The following FAM193A variants were observed in gnomAD, a reference collection of about 807,000 sequenced individuals.
The protein encoded by FAM193A is protein FAM193A.
A neutral mutation model predicts 126.5 loss-of-function variants in FAM193A; 22 were observed. The observed-to-expected ratio is 0.17, with a 90% CI of 0.12 to 0.25. The LOEUF is 0.25. Among genes scored for constraint, FAM193A ranks in the 10% least tolerant of loss-of-function variants. The probability of loss-of-function intolerance (pLI) is 1.00; values close to 1 mark genes in which losing one functional copy is unlikely to be tolerated. For synonymous variants in FAM193A, 761 were observed against 646.8 expected, an observed-to-expected ratio of 1.18 and a Z score of -2.68; for missense variants, 1,675 against 1,672.8, an observed-to-expected ratio of 1.00 and a Z score of -0.02.
chr4:2,638,488 G>T (rs1365353851), intron 5 of FAM193A, among the ~76,000 whole-genome samples: 1 of 152,200 alleles, frequency 6.6e-6, no homozygotes, highest in African/African-American at 2.4e-5. Flanking sequence ...GAGTGATGAT[G>T]TTTCAATCTG....
chr4:2,616,997 C>T (rs1424370992), intron 2 of FAM193A, among the ~76,000 whole-genome samples: 1 of 145,884 alleles, frequency 6.9e-6, no homozygotes, highest in Non-Finnish European at 1.5e-5. Flanking sequence ...GAAGAAACCC[C>T]GTCTCTACTA....
chr4:2,600,989 A>C (rs1741162671), intron 2 of FAM193A, among the ~76,000 whole-genome samples: 1 of 152,214 alleles, frequency 6.6e-6, no homozygotes, highest in South Asian at 2.1e-4. Context: ...CCAGCGTGGC[A>C]CATGCCTGTA....
chr4:2,648,371 C>T (rs914203162), intron 7 of FAM193A, among the ~76,000 whole-genome samples: 53 of 152,234 alleles, frequency 3.5e-4, no homozygotes, highest in African/African-American at 1.2e-3. Flanking sequence ...CCTCAGAGAT[C>T]ACTTTGGTCC....
At chr4:2,661,222 G>A (rs1373644123) in intron 10 of FAM193A, among the ~76,000 whole-genome samples, 1 of 152,146 alleles carries the variant, frequency 6.6e-6, no homozygotes, top group East Asian at 1.9e-4. Flanking sequence ...GCCTTCAGCA[G>A]CTTGTGATCA....
intron 6 of FAM193A, among the ~76,000 whole-genome samples, chr4:2,646,005 A>G (rs190796276): frequency 2.0e-5 from 3 of 151,720 alleles, no homozygotes; most frequent in Admixed American, 2.0e-4. Context: ...TTGTATTCCC[A>G]TATTTATTTT....
chr4:2,562,639 T>G (rs1738693115), intron 1 of FAM193A, among the ~76,000 whole-genome samples: 1 of 151,802 alleles, frequency 6.6e-6, no homozygotes, highest in Admixed American at 6.6e-5. Flanking sequence ...TTTTTTTGTT[T>G]TTTTTTTTTT....
chr4:2,614,022 G>A (rs557503736), intron 2 of FAM193A, among the ~76,000 whole-genome samples: 6 of 141,792 alleles, frequency 4.2e-5, no homozygotes, highest in East Asian at 2.2e-4. Flanking sequence ...ATCCATGTGC[G>A]TCGGCCTCCC....
At chr4:2,721,951 A>G (rs1437557073) in intron 20 of FAM193A, among the ~76,000 whole-genome samples, 1 of 152,238 alleles carries the variant, frequency 6.6e-6, no homozygotes, top group Non-Finnish European at 1.5e-5. Context: ...ATTGAGTGAA[A>G]TAAGAAGCTG....
At chr4:2,689,105 C>G (rs1348485728) in intron 13 of FAM193A, among the ~76,000 whole-genome samples, 54 of 152,228 alleles carry the variant, frequency 3.5e-4, no homozygotes, top group Admixed American at 3.5e-3. Context: ...AGGGTTTTAT[C>G]CATTTTCATC....
At chr4:2,613,071 A>T (rs1741972653) in intron 2 of FAM193A, among the ~76,000 whole-genome samples, 2 of 152,258 alleles carry the variant, frequency 1.3e-5, no homozygotes, top group African/African-American at 4.8e-5. Context: ...CTCTTCATTT[A>T]TTTAGATCAT....
At chr4:2,716,787 C>T (rs926897736) in intron 20 of FAM193A, among the ~76,000 whole-genome samples, 1 of 152,076 alleles carries the variant, frequency 6.6e-6, no homozygotes, top group Non-Finnish European at 1.5e-5. Context: ...AGCAATTCTC[C>T]TGCCTCAGCC....
intron 2 of FAM193A, among the ~76,000 whole-genome samples, chr4:2,603,169 T>G (rs913738259): frequency 2.2e-5 from 3 of 138,482 alleles, no homozygotes; most frequent in Non-Finnish European, 4.4e-5. Flanking sequence ...TATATATATA[T>G]TTTTTAGTAG....
At chr4:2,689,847 G>A (rs1459560238) in intron 14 of FAM193A, 143 bp downstream of exon 14, 4 of 594,236 alleles carry the variant, frequency 6.7e-6, no homozygotes, top group Middle Eastern at 4.4e-4. Flanking sequence ...GAGGCCCCTC[G>A]GGGCTGTCAT....
chr4:2,598,048 G>C (rs1740970334), intron 2 of FAM193A, among the ~76,000 whole-genome samples: 3 of 152,092 alleles, frequency 2.0e-5, no homozygotes, highest in African/African-American at 4.8e-5. Context: ...GGGACTACAG[G>C]CACGCGCCAC....
chr4:2,725,743 G>A (rs1489737985), intron 20 of FAM193A, among the ~76,000 whole-genome samples: 1 of 148,776 alleles, frequency 6.7e-6, no homozygotes, highest in African/African-American at 2.5e-5. Context: ...CAATAGTCTT[G>A]CTCTGTCACC....
chr4:2,690,054 C>G (rs898230796), intron 14 of FAM193A, among the ~76,000 whole-genome samples: 23 of 152,238 alleles, frequency 1.5e-4, no homozygotes, highest in South Asian at 6.2e-4. Context: ...CCTCAGCCCC[C>G]CCGGTGCACA....
At chr4:2,550,632 C>T (rs928828958) in intron 1 of FAM193A, among the ~76,000 whole-genome samples, 2 of 151,364 alleles carry the variant, frequency 1.3e-5, no homozygotes, top group African/African-American at 4.9e-5. Context: ...GACGGGGTTT[C>T]TCCATGTTGG....
At chr4:2,626,083 TG>T (rs1742935848) in intron 3 of FAM193A, among the ~76,000 whole-genome samples, 1 of 152,000 alleles carries the variant, frequency 6.6e-6, no homozygotes, top group South Asian at 2.1e-4. Flanking sequence ...TGTAGCCAAG[TG>T]GGGGCCAAAG....
rs962320623 is a variant in FAM193A, at chr4:2,551,873, T to A, written c.255+14703T>A. Among the ~76,000 whole-genome samples the A allele has an allele frequency of 2.0e-5, 3 of 152,008 alleles. No individual in the cohort carries two copies. In the Admixed American group the frequency reaches 2.0e-4, roughly 10 times the overall value. Reference sequence around the variant, plus strand: ...TTTTATTTTAAGAGGCAGGGTCTTGTACGGTCTCCTAGTCTGGAGTGCTGT... The same window carrying A: ...TTTTATTTTAAGAGGCAGGGTCTTGAACGGTCTCCTAGTCTGGAGTGCTGT... On this transcript the variant is annotated intron_variant, in intron 1 of 20. Coordinates refer to ENST00000637812, the MANE Select transcript of FAM193A (RefSeq NM_001366318.2).
Sources: gnomAD v4.1 joint callset for allele counts (sites outside exome capture counted in the v4.1 genomes callset) on GRCh38, gnomAD v4.1.1 for gene constraint, MANE v1.5 for transcripts, NCBI Gene and HGNC (gene_info 2026-07-23, HGNC 2026-07-21) for gene names.